TCF25: variants seen among roughly 807,000 people sequenced by gnomAD.
The protein encoded by TCF25 is ribosome quality control complex subunit TCF25.
Under a neutral mutation model 83.1 loss-of-function variants are expected in TCF25, and 41 were observed. The observed-to-expected ratio is 0.49, with a 90% CI of 0.38 to 0.64. The LOEUF (loss-of-function observed/expected upper bound fraction) is 0.64, where lower values mean the gene tolerates loss of function less well. Ranked by LOEUF, TCF25 falls within the 30% of genes least tolerant of loss-of-function variation. The probability of loss-of-function intolerance (pLI) is 0.00; values close to 1 mark genes in which losing one functional copy is unlikely to be tolerated. For synonymous variants in TCF25, 458 were observed against 365.0 expected (o/e 1.25, Z -2.90); for missense variants, 979 against 914.5 (o/e 1.07, Z -0.91).
intron 4 of TCF25, among the ~76,000 whole-genome samples, chr16:89,886,500 C>T (rs545219740): frequency 1.8e-4 from 27 of 152,018 alleles, no homozygotes; most frequent in Admixed American, 1.5e-3. Flanking sequence ...CGGTGGCTCA[C>T]GCCTGTAATC....
At chr16:89,879,414 TAC>T in intron 1 of TCF25, among the ~76,000 whole-genome samples, 2 of 144,392 alleles carry the variant, frequency 1.4e-5, no homozygotes, top group South Asian at 2.3e-4. Context: ...GTTGTCCGTG[TAC>T]ACAGATGGGC....
chr16:89,879,429 C>A (rs542970935), intron 1 of TCF25, among the ~76,000 whole-genome samples: 1 of 138,782 alleles, frequency 7.2e-6, no homozygotes, highest in Non-Finnish European at 1.5e-5. Flanking sequence ...AGATGGGCTT[C>A]GGGGCCTGTC....
At chr16:89,899,222 C>T (rs372658676) in intron 11 of TCF25, among the ~76,000 whole-genome samples, 3 of 152,072 alleles carry the variant, frequency 2.0e-5, no homozygotes, top group Admixed American at 6.5e-5. Context: ...AAGATGCAGC[C>T]GGGAGGTAGA....
chr16:89,903,506 A>G (rs975923374), intron 12 of TCF25, among the ~76,000 whole-genome samples: 1 of 152,016 alleles, frequency 6.6e-6, no homozygotes, highest in Non-Finnish European at 1.5e-5. Flanking sequence ...CCCTTTCTCT[A>G]CCAAAAATAT....
At chr16:89,910,932 G>A (rs150696843) in intron 17 of TCF25, 148 bp from the exon 18 acceptor site, 4 of 1,183,962 alleles carry the variant, frequency 3.4e-6, no homozygotes, top group Non-Finnish European at 4.7e-6. Flanking sequence ...GGTTTTGAGA[G>A]CTTCCTCCTC....
chr16:89,882,346 G>T (rs529333671), intron 1 of TCF25, among the ~76,000 whole-genome samples: 18 of 152,110 alleles, frequency 1.2e-4, no homozygotes. Context: ...ACCAGCCTGG[G>T]CAATGTGTTG....
Position 89,911,204 on chromosome 16 carries a change from A to AGGACGACGCTGAGG in TCF25, c.2000_2013dup (p.Glu672ThrfsTer16), listed in dbSNP as rs775557655. The AGGACGACGCTGAGG allele has an allele frequency of 6.2e-7, 1 of 1,612,462 alleles. No homozygotes were observed. The highest frequency in any genetic ancestry group is 2.2e-5 in the East Asian group (1 of 44,874). On this transcript the variant is annotated frameshift_variant, in exon 18 of 18. Coordinates refer to ENST00000263346, the MANE Select transcript of TCF25 (RefSeq NM_014972.3). LOFTEE classifies it high-confidence loss of function. ...CTCAACGACCTGGAGGCGCCGCACG[A>AGGACGACGCTGAGG]GGACGACGCTGAGGGGGAGGGGGAG...
At chr16:89,906,985 C>T (rs1471912675) in intron 15 of TCF25, among the ~76,000 whole-genome samples, 2 of 152,112 alleles carry the variant, frequency 1.3e-5, no homozygotes, top group East Asian at 3.8e-4. Context: ...TCCTTCCCCA[C>T]CACACACTCT....
At chr16:89,887,101 A>G (rs1253781328) in intron 4 of TCF25, among the ~76,000 whole-genome samples, 1 of 151,986 alleles carries the variant, frequency 6.6e-6, no homozygotes, top group African/African-American at 2.4e-5. Context: ...TGGTGTGATC[A>G]TAGCCCACTG....
In TCF25 at chr16:89,910,679, C is replaced by T. The variant is rs1271164647; in HGVS notation, c.1872+16C>T. On this transcript the variant is annotated intron_variant, in intron 17 of 17. Coordinates refer to ENST00000263346, the MANE Select transcript of TCF25 (RefSeq NM_014972.3). ...TACCATGGAGGTAGGTTGAGCTCGT[C>T]CCAGCCCCTGCCTCCCCAGTGGGTG... 6.2e-7 allele frequency: 1 copy of T among 1,612,780 alleles called. No homozygotes were observed. Among genetic ancestry groups the T allele is most frequent in the African/African-American group, 1.3e-5 (1 of 74,958 alleles).
Position 89,873,690 on chromosome 16 carries a change from G to C in TCF25, c.23G>C (p.Arg8Thr), listed in dbSNP as rs1251270736. ...CCTATGTCGCGCCGGGCCCTCCGGAGGCTGAGGGGGGAACAGCGCGGCCAG... is the reference window on the plus strand; with the variant it reads ...CCTATGTCGCGCCGGGCCCTCCGGACGCTGAGGGGGGAACAGCGCGGCCAG... Reference protein sequence around the residue: MSRRALRRLRGEQRGQEP... With the variant: MSRRALRTLRGEQRGQEP... Residue 8 changes from arginine (R) to threonine (T), a missense_variant, in exon 1 of 18, where the codon AGG becomes ACG. Physicochemically the swap from Arg to Thr is moderately conservative, Grantham distance 71. Coordinates refer to ENST00000263346, the MANE Select transcript of TCF25 (RefSeq NM_014972.3). 1 of 1,605,694 alleles carries C rather than the reference G, an allele frequency of 6.2e-7. No individual in the cohort carries two copies. Among genetic ancestry groups the C allele is most frequent in the Non-Finnish European group, 8.5e-7 (1 of 1,177,660 alleles).
intron 16 of TCF25, among the ~76,000 whole-genome samples, chr16:89,908,703 GC>G (rs2045268361): frequency 1.8e-4 from 1 of 5,424 alleles, no homozygotes; most frequent in Non-Finnish European, 3.4e-4. Context: ...CCGCCTCCCA[GC>G]TCCCACCTCC....
chr16:89,906,592 G>A (rs1255745094), intron 15 of TCF25, among the ~76,000 whole-genome samples: 2 of 152,176 alleles, frequency 1.3e-5, no homozygotes, highest in Non-Finnish European at 1.5e-5. Context: ...CTCTGTAGTC[G>A]TGGGGTGTAG....
At chr16:89,906,663 G>A (rs62052187) in intron 15 of TCF25, among the ~76,000 whole-genome samples, 18,862 of 152,130 alleles carry the variant, frequency 0.12, 1,444 homozygotes, top group East Asian at 0.26. Flanking sequence ...TAAGGAGTTT[G>A]TACTGTTGTT....
chr16:89,903,677 T>G (rs1181524277), intron 12 of TCF25, among the ~76,000 whole-genome samples: 1 of 151,470 alleles, frequency 6.6e-6, no homozygotes, highest in Non-Finnish European at 1.5e-5. Flanking sequence ...CGTGGTAGTG[T>G]GCGCCTGTGA....
chr16:89,886,777 A>T (rs1327825925), intron 4 of TCF25, among the ~76,000 whole-genome samples: 1 of 151,906 alleles, frequency 6.6e-6, no homozygotes, highest in African/African-American at 2.4e-5. Context: ...AAGAAAAAAA[A>T]AATACAAAAA....
intron 6 of TCF25, among the ~76,000 whole-genome samples, chr16:89,893,362 C>T (rs1453862724): frequency 2.0e-5 from 3 of 152,250 alleles, no homozygotes; most frequent in African/African-American, 7.2e-5. Flanking sequence ...CGGACATTCT[C>T]CTCAATCAGA....
intron 4 of TCF25, among the ~76,000 whole-genome samples, chr16:89,886,654 CAG>C (rs759876955): frequency 1.6e-4 from 24 of 151,956 alleles, no homozygotes; most frequent in East Asian, 9.7e-4. Flanking sequence ...CCCAGCTACT[CAG>C]GGGGCTGAGG....
At chr16:89,887,531 A>C in intron 4 of TCF25, 121 bp from the exon 5 acceptor site, 1 of 857,110 alleles carries the variant, frequency 1.2e-6, no homozygotes, top group Non-Finnish European at 1.7e-6. Context: ...AAGGCCTGGA[A>C]GCTGCCTTTC....
Sources: gnomAD v4.1 joint callset for allele counts (sites outside exome capture counted in the v4.1 genomes callset) on GRCh38, gnomAD v4.1.1 for gene constraint, MANE v1.5 for transcripts, NCBI Gene and HGNC (gene_info 2026-07-23, HGNC 2026-07-21) for gene names.